NCAM1: variants seen among roughly 807,000 people sequenced by gnomAD.
NCAM1 encodes the protein antigen recognized by monoclonal antibody 5.1H11.
Under a neutral mutation model 109.8 loss-of-function variants are expected in NCAM1, and 14 were observed. That is an observed-to-expected ratio of 0.13 (90% CI 0.08 to 0.20). The LOEUF is 0.20. Among genes scored for constraint, NCAM1 ranks in the 10% least tolerant of loss-of-function variants. NCAM1 has a pLI of 1.00. For missense variants in NCAM1, 774 were observed against 1,109.9 expected (o/e 0.70, Z 4.30); for synonymous variants, 418 against 442.9 (o/e 0.94, Z 0.70).
chr11:113,248,623 T>C (rs1945570039), intron 15 of NCAM1, among the ~76,000 whole-genome samples: 1 of 152,172 alleles, frequency 6.6e-6, no homozygotes, highest in Admixed American at 6.5e-5. Context: ...TGATGTTCCC[T>C]GTCCACCTTG....
Position 113,011,987 on chromosome 11 carries a change from C to CCTTT in NCAM1, c.52+50326_52+50327insTCTT, listed in dbSNP as rs1416699616. The stretch of plus-strand genomic sequence containing the variant: ...CCTTTCCTTCCTTCCTTCCTTCCTT[C>CCTTT]CTTCCTTCCTTCCTTCCTTCCTTCC... On this transcript the variant is annotated intron_variant, in intron 1 of 19. Coordinates refer to ENST00000316851, the MANE Select transcript of NCAM1 (RefSeq NM_181351.5). 1.3e-4 allele frequency among the ~76,000 whole-genome samples: 19 copies of CCTTT among 148,316 alleles called. No individual in the cohort carries two copies. The East Asian group carries it at 3.8e-3, about 30-fold the overall frequency.
chr11:113,123,730 T>C (rs1469430712), intron 1 of NCAM1, among the ~76,000 whole-genome samples: 2 of 152,168 alleles, frequency 1.3e-5, no homozygotes, highest in African/African-American at 2.4e-5. Flanking sequence ...GGAGATACAA[T>C]GTCAACCCGG....
At chr11:113,175,412 G>C (rs1303391552) in intron 1 of NCAM1, among the ~76,000 whole-genome samples, 1 of 152,230 alleles carries the variant, frequency 6.6e-6, no homozygotes, top group Admixed American at 6.5e-5. Context: ...ACTTTGCCCT[G>C]TTGGTTACAT....
At chr11:113,157,913 T>G (rs546838472) in intron 1 of NCAM1, among the ~76,000 whole-genome samples, 4 of 152,082 alleles carry the variant, frequency 2.6e-5, no homozygotes, top group Non-Finnish European at 4.4e-5. Flanking sequence ...CACACAGATA[T>G]GTAGGGAGGA....
At chr11:113,270,497 C>A in intron 18 of NCAM1, 102 bp downstream of exon 18, 3 of 1,089,968 alleles carry the variant, frequency 2.8e-6, no homozygotes, top group South Asian at 1.5e-5. Context: ...CCTTTCCTTT[C>A]ATTGCACGTT....
intron 1 of NCAM1, among the ~76,000 whole-genome samples, chr11:113,179,212 T>G (rs1943258701): frequency 6.6e-6 from 1 of 152,244 alleles, no homozygotes; most frequent in Non-Finnish European, 1.5e-5. Context: ...TGTCATATAC[T>G]TTTTAATTAT....
intron 1 of NCAM1, among the ~76,000 whole-genome samples, chr11:113,004,491 C>A (rs1334206702): frequency 1.3e-5 from 2 of 149,344 alleles, no homozygotes; most frequent in Non-Finnish European, 1.5e-5. Context: ...GATTTCATCT[C>A]AAAAAAAAAA....
intron 1 of NCAM1, among the ~76,000 whole-genome samples, chr11:113,033,532 G>T (rs1952780607): frequency 6.6e-6 from 1 of 152,082 alleles, no homozygotes; most frequent in Non-Finnish European, 1.5e-5. Flanking sequence ...AGTAGAAGTG[G>T]AAACACATTT....
In NCAM1 at chr11:113,273,636, G is replaced by A. The variant is rs1409592352; in HGVS notation, c.2457-1631G>A. ...CCCAGATATTGACCTTGCAAAGGAT[G>A]TTTTTGCAGCCCTGGGCTCTCCTGC... is the stretch of plus-strand genomic sequence containing the variant. On this transcript the variant is annotated intron_variant, in intron 19 of 19. Coordinates refer to ENST00000316851, the MANE Select transcript of NCAM1 (RefSeq NM_181351.5). The surrounding 1 kb of genome is among the most constrained non-coding windows in gnomAD (Gnocchi z 6.0). 7 of 455,260 alleles carry A rather than the reference G, an allele frequency of 1.5e-5. No homozygotes were observed. The highest frequency in any genetic ancestry group is 3.1e-5 in the Non-Finnish European group (7 of 226,114). 28.2% of individuals were successfully genotyped at this position (455,260 alleles called of 1,614,324 possible). A position where few individuals can be genotyped will look rare whatever the true frequency, so the allele number is the denominator to read the frequency against.
At chr11:113,084,646 C>T (rs1317839867) in intron 1 of NCAM1, among the ~76,000 whole-genome samples, 12 of 152,134 alleles carry the variant, frequency 7.9e-5, no homozygotes, top group Admixed American at 1.3e-4. Context: ...CCTCCTGATT[C>T]GGTGCTCCTC....
intron 1 of NCAM1, among the ~76,000 whole-genome samples, chr11:113,054,356 C>G (rs1953615305): frequency 6.6e-6 from 1 of 152,074 alleles, no homozygotes; most frequent in South Asian, 2.1e-4. Flanking sequence ...GGTGTGTTTA[C>G]CAACTTATAA....
At chr11:113,171,270 G>T (rs1429185775) in intron 1 of NCAM1, among the ~76,000 whole-genome samples, 1 of 152,176 alleles carries the variant, frequency 6.6e-6, no homozygotes, top group Non-Finnish European at 1.5e-5. Context: ...AGATCTCTCT[G>T]ATCTATTCCC....
At chr11:112,965,850 A>G (rs1270327904) in intron 1 of NCAM1, among the ~76,000 whole-genome samples, 2 of 152,182 alleles carry the variant, frequency 1.3e-5, no homozygotes, top group African/African-American at 4.8e-5. Context: ...CCTGTTGCTA[A>G]AGAACGGGTT....
chr11:113,235,813 C>T (rs1555118177), intron 14 of NCAM1, among the ~76,000 whole-genome samples: 1 of 152,136 alleles, frequency 6.6e-6, no homozygotes, highest in Non-Finnish European at 1.5e-5. Context: ...CTCGGCCATT[C>T]CCTCTTTCTT....
intron 1 of NCAM1, among the ~76,000 whole-genome samples, chr11:113,123,180 A>G (rs1325781385): frequency 6.6e-6 from 1 of 152,202 alleles, no homozygotes; most frequent in East Asian, 1.9e-4. Flanking sequence ...ACAGTTAGCA[A>G]CAATATATAT....
chr11:113,009,981 C>T (rs1591242770), intron 1 of NCAM1, among the ~76,000 whole-genome samples: 2 of 151,534 alleles, frequency 1.3e-5, no homozygotes, highest in East Asian at 3.9e-4. Flanking sequence ...AGTGTACAGG[C>T]TAAGAAGTAC....
At chr11:112,979,249 A>T (rs1238144249) in intron 1 of NCAM1, among the ~76,000 whole-genome samples, 6 of 151,718 alleles carry the variant, frequency 4.0e-5, no homozygotes, top group Admixed American at 1.3e-4. Context: ...AAACAAAAAA[A>T]ACCTGTAATT....
intron 15 of NCAM1, among the ~76,000 whole-genome samples, chr11:113,255,597 G>GAAAAA (rs34738476): frequency 2.2e-5 from 2 of 92,952 alleles, no homozygotes; most frequent in Admixed American, 1.3e-4. Context: ...TGAGACAGGG[G>GAAAAA]AAAAAAAAAA....
intron 1 of NCAM1, among the ~76,000 whole-genome samples, chr11:113,199,882 T>C (rs1218391324): frequency 2.1e-5 from 3 of 146,050 alleles, no homozygotes; most frequent in Non-Finnish European, 4.5e-5. Flanking sequence ...CGTGGGATCC[T>C]GTTAAGCAGG....
Sources: allele counts gnomAD v4.1 joint callset (sites outside exome capture counted in the v4.1 genomes callset), GRCh38; gene constraint gnomAD v4.1.1; non-coding constraint Gnocchi (gnomAD v3.1); transcripts MANE v1.5; gene names NCBI Gene and HGNC (gene_info 2026-07-23, HGNC 2026-07-21).